FHIT: variants seen among roughly 807,000 people sequenced by gnomAD.
FHIT encodes the protein bis(5'-adenosyl)-triphosphatase.
A neutral mutation model predicts 17.9 loss-of-function variants in FHIT; 19 were observed. That is an observed-to-expected ratio of 1.06 (90% CI 0.74 to 1.56). FHIT has a LOEUF of 1.56. Among genes scored for constraint, FHIT ranks in the 40% most tolerant of loss-of-function variants. The pLI is 0.00. For synonymous variants in FHIT, 81 were observed against 69.7 expected (o/e 1.16, Z -0.81); for missense variants, 248 against 189.2 (o/e 1.31, Z -1.82).
intron 5 of FHIT, among the ~76,000 whole-genome samples, chr3:60,333,747 A>T (rs191221324): frequency 6.6e-6 from 1 of 152,194 alleles, no homozygotes; most frequent in East Asian, 1.9e-4. Context: ...GTCTTAAAAC[A>T]TGAGAAAGTT....
intron 8 of FHIT, among the ~76,000 whole-genome samples, chr3:59,764,373 A>G (rs944151632): frequency 1.3e-5 from 2 of 152,244 alleles, no homozygotes; most frequent in African/African-American, 4.8e-5. Context: ...ATGAAAATCT[A>G]TATTCCAACG....
In FHIT at chr3:60,310,116, A is replaced by G. The variant is rs73836722; in HGVS notation, c.103+226744T>C. On this transcript the variant is annotated intron_variant, in intron 5 of 9. Transcript: ENST00000492590. ...AAGGCAACCTTTATTTACTTCTCCC[A>G]CATTTCTCTGCCGTGGGAAAGGCAA... Among the ~76,000 whole-genome samples, 1,175 of 152,240 alleles carry G rather than the reference A, an allele frequency of 7.7e-3. 9 individuals carry two copies. The highest frequency in any genetic ancestry group is 0.027 in the African/African-American group (1,116 of 41,542).
At chr3:60,122,228 A>T (rs1284865349) in intron 5 of FHIT, among the ~76,000 whole-genome samples, 4 of 152,210 alleles carry the variant, frequency 2.6e-5, no homozygotes, top group African/African-American at 7.2e-5. Context: ...TAAAAACATT[A>T]TATTAGTATA....
chr3:60,556,047 T>C (rs991588992), intron 4 of FHIT, among the ~76,000 whole-genome samples: 1 of 152,236 alleles, frequency 6.6e-6, no homozygotes, highest in Non-Finnish European at 1.5e-5. Flanking sequence ...TTTTCACTTG[T>C]ATAAGGACTT....
At chr3:60,895,718 CTTT>C (rs1705772044) in intron 3 of FHIT, among the ~76,000 whole-genome samples, 1 of 112,536 alleles carries the variant, frequency 8.9e-6, no homozygotes, top group African/African-American at 3.2e-5. Context: ...TTCTTTCTTT[CTTT>C]CTTTCTTTCT....
At chr3:60,580,626 T>C (rs540688925) in intron 4 of FHIT, among the ~76,000 whole-genome samples, 3 of 152,018 alleles carry the variant, frequency 2.0e-5, no homozygotes, top group Non-Finnish European at 4.4e-5. Flanking sequence ...GAAGGCAATA[T>C]AAAATAATGT....
chr3:60,121,915 C>G (rs1363733031), intron 5 of FHIT, among the ~76,000 whole-genome samples: 1 of 152,082 alleles, frequency 6.6e-6, no homozygotes. Flanking sequence ...CTACAGTCAA[C>G]TAAGAAATAA....
At chr3:60,659,933 G>C (rs1361233463) in intron 4 of FHIT, among the ~76,000 whole-genome samples, 1 of 152,106 alleles carries the variant, frequency 6.6e-6, no homozygotes, top group Non-Finnish European at 1.5e-5. Flanking sequence ...CCCAGGGTTT[G>C]CTTTTTCATT....
chr3:60,144,119 G>A (rs1360474723), intron 5 of FHIT, among the ~76,000 whole-genome samples: 1 of 152,146 alleles, frequency 6.6e-6, no homozygotes, highest in African/African-American at 2.4e-5. Flanking sequence ...ATGTCCCACA[G>A]GATTTGTGTT....
chr3:60,445,970 T>G (rs1190103213), intron 5 of FHIT, among the ~76,000 whole-genome samples: 1 of 152,130 alleles, frequency 6.6e-6, no homozygotes, highest in East Asian at 1.9e-4. Context: ...AAATCCATAT[T>G]GTGTTTCTTG....
chr3:60,544,256 T>G (rs2036287331), intron 4 of FHIT, among the ~76,000 whole-genome samples: 1 of 151,970 alleles, frequency 6.6e-6, no homozygotes, highest in African/African-American at 2.4e-5. Flanking sequence ...TCTTTTTTTT[T>G]GTATTATGAA....
chr3:60,497,550 C>T (rs1396120398), intron 5 of FHIT, among the ~76,000 whole-genome samples: 5 of 152,126 alleles, frequency 3.3e-5, no homozygotes, highest in South Asian at 2.1e-4. Context: ...CTCACACTCA[C>T]GATCAAACGT....
At chr3:60,418,374 GTGTATATATATATA>G (rs1553767498) in intron 5 of FHIT, among the ~76,000 whole-genome samples, 1 of 2,360 alleles carries the variant, frequency 4.2e-4, no homozygotes, top group African/African-American at 5.2e-4. Flanking sequence ...ATCTGAATGT[GTGTATATATATATA>G]TATATATATA....
chr3:61,161,391 C>T (rs943249760), intron 2 of FHIT, among the ~76,000 whole-genome samples: 15 of 151,808 alleles, frequency 9.9e-5, no homozygotes, highest in Middle Eastern at 3.2e-3. Context: ...TTAGTAGAGA[C>T]GGGGGTTTCA....
chr3:60,484,694 T>C, intron 5 of FHIT, among the ~76,000 whole-genome samples: 1 of 151,966 alleles, frequency 6.6e-6, no homozygotes, highest in East Asian at 1.9e-4. Flanking sequence ...GACTTAAATG[T>C]AAAACCCAAA....
chr3:61,095,698 CA>C lies in FHIT; in HGVS notation c.-163-53600del, dbSNP rs553998429. Among the ~76,000 whole-genome samples, 1,181 of 152,252 alleles carry C rather than the reference CA, an allele frequency of 7.8e-3. 17 individuals are homozygous for C. The highest frequency in any genetic ancestry group is 0.027 in the African/African-American group (1,131 of 41,530). ...CCTATCTCTCATTCTAACCTATCCC[CA>C]CCCAGGATGCCCTCAGTGCCATTCT... On this transcript the variant is annotated intron_variant, in intron 2 of 9. Transcript: ENST00000492590.
At chr3:60,567,530 CA>C (rs1257547972) in intron 4 of FHIT, among the ~76,000 whole-genome samples, 3 of 152,120 alleles carry the variant, frequency 2.0e-5, no homozygotes, top group African/African-American at 7.2e-5. Context: ...CAATACCATT[CA>C]GGACATAAGT....
rs114023980 is a variant in FHIT at position 60,227,267 on chromosome 3, T to C, written c.104-213115A>G. Reference sequence around the variant, plus strand: ...AGATTCTTAATAAAATCAACATCTTTGCCTGTTTCATACATTATTAGATTT... The same window carrying C: ...AGATTCTTAATAAAATCAACATCTTCGCCTGTTTCATACATTATTAGATTT... On this transcript the variant is annotated intron_variant, in intron 5 of 9. Coordinates refer to ENST00000492590, the MANE Select transcript of FHIT (RefSeq NM_002012.4). Among the ~76,000 whole-genome samples the C allele has an allele frequency of 7.5e-3, 1,138 of 152,312 alleles. 10 individuals are homozygous for C. Among genetic ancestry groups the C allele is most frequent in the African/African-American group, 0.026 (1,073 of 41,576 alleles).
chr3:61,212,400 C>A (rs2039511524), intron 1 of FHIT, among the ~76,000 whole-genome samples: 1 of 151,932 alleles, frequency 6.6e-6, no homozygotes, highest in African/African-American at 2.4e-5. Context: ...GAAAGGGTAT[C>A]AATGATGGAA....
Sources: allele counts gnomAD v4.1 joint callset (sites outside exome capture counted in the v4.1 genomes callset), GRCh38; gene constraint gnomAD v4.1.1; transcripts MANE v1.5; gene names NCBI Gene and HGNC (gene_info 2026-07-23, HGNC 2026-07-21).